ANLN: variants seen among roughly 807,000 people sequenced by gnomAD.
ANLN encodes anillin.
In ANLN, 59 loss-of-function variants were observed where a neutral mutation model predicts 135.1. That is an observed-to-expected ratio of 0.44 (90% CI 0.35 to 0.54). The LOEUF is 0.54. Among genes scored for constraint, ANLN ranks in the 20% least tolerant of loss-of-function variants. The pLI is 0.00. For synonymous variants in ANLN, 406 were observed against 456.4 expected (o/e 0.89, Z 1.41); for missense variants, 1,182 against 1,340.0 (o/e 0.88, Z 1.84).
At chr7:36,439,913 G>T in intron 21 of ANLN, among the ~76,000 whole-genome samples, 1 of 152,194 alleles carries the variant, frequency 6.6e-6, no homozygotes, top group East Asian at 1.9e-4. Flanking sequence ...CTTTATCCTA[G>T]AGTCAGCGAG....
chr7:36,425,791 C>T, intron 18 of ANLN, 51 bp downstream of exon 18: 1 of 1,549,966 alleles, frequency 6.5e-7, no homozygotes, highest in Non-Finnish European at 8.9e-7. Flanking sequence ...CTTCATCTTA[C>T]CCATACAGTT....
At chr7:36,414,015 G>C (rs1011297706) in intron 7 of ANLN, among the ~76,000 whole-genome samples, 3 of 151,904 alleles carry the variant, frequency 2.0e-5, no homozygotes, top group African/African-American at 7.3e-5. Flanking sequence ...AGGAAATAAA[G>C]TCAAGGGAAG....
intron 2 of ANLN, among the ~76,000 whole-genome samples, chr7:36,398,776 TCCC>T: frequency 6.7e-6 from 1 of 148,816 alleles, no homozygotes; most frequent in African/African-American, 2.5e-5. Flanking sequence ...CTTCCGCTCT[TCCC>T]CCCAAGTCCC....
chr7:36,395,598 A>G (rs1186294176), intron 1 of ANLN, among the ~76,000 whole-genome samples: 1 of 152,148 alleles, frequency 6.6e-6, no homozygotes, highest in Admixed American at 6.5e-5. Flanking sequence ...TCTTTGAGGG[A>G]CCATTATTTT....
At position 36,401,580 on chromosome 7, in the gene ANLN, C is replaced by A. The variant is rs187832957; in HGVS notation, c.487+2187C>A. On this transcript the variant is annotated intron_variant, in intron 3 of 23. Transcript: ENST00000265748. ...TCTTGAACTCCTGACCTCAGGTGAT[C>A]CGCCTGCCGCGGCCTCCCAAAGTGC... Among the ~76,000 whole-genome samples the A allele has an allele frequency of 6.0e-4, 84 of 139,084 alleles. 5 individuals are homozygous for A. The highest frequency in any genetic ancestry group is 2.1e-3 in the Admixed American group (30 of 14,246). 91.2% of individuals were successfully genotyped at this position (139,084 alleles called of 152,430 possible).
At chr7:36,435,241 A>G (rs1245160600) in intron 20 of ANLN, among the ~76,000 whole-genome samples, 2 of 151,884 alleles carry the variant, frequency 1.3e-5, no homozygotes, top group Admixed American at 6.6e-5. Flanking sequence ...CATTTCCATC[A>G]CTCCCATCTA....
intron 20 of ANLN, among the ~76,000 whole-genome samples, chr7:36,431,597 G>GTATATATA (rs1281791693): frequency 3.6e-5 from 1 of 27,440 alleles, no homozygotes; most frequent in African/African-American, 8.4e-5. Context: ...GTGTGTGTGT[G>GTATATATA]TATATATATA....
At chr7:36,421,590 C>T (rs1004339944) in intron 12 of ANLN, among the ~76,000 whole-genome samples, 2 of 151,948 alleles carry the variant, frequency 1.3e-5, no homozygotes, top group Non-Finnish European at 2.9e-5. Context: ...TTCTAAATTT[C>T]TACGTTGTTG....
intron 17 of ANLN, 109 bp from the exon 18 acceptor site, chr7:36,425,593 T>C (rs1788048556): frequency 8.4e-6 from 7 of 830,682 alleles, no homozygotes; most frequent in Non-Finnish European, 1.3e-5. Flanking sequence ...TGCTCCCGGC[T>C]AAGAATTAAT....
At chr7:36,449,282 A>G (rs1299753573) in intron 22 of ANLN, 2 of 154,864 alleles carry the variant, frequency 1.3e-5, no homozygotes, top group Non-Finnish European at 2.9e-5. Context: ...TCCAATGTCT[A>G]GGTTTCCTTT....
intron 3 of ANLN, among the ~76,000 whole-genome samples, chr7:36,404,905 A>C (rs1409856102): frequency 6.6e-6 from 1 of 152,210 alleles, no homozygotes; most frequent in African/African-American, 2.4e-5. Context: ...AACGGTGTGC[A>C]GTTTAAAACC....
intron 22 of ANLN, among the ~76,000 whole-genome samples, chr7:36,445,161 C>CTTTTTTTTTTTT (rs70977145): frequency 3.5e-5 from 2 of 57,822 alleles, no homozygotes; most frequent in South Asian, 8.2e-4. Context: ...ATTTGGGATT[C>CTTTTTTTTTTTT]TTTTTTTTTT....
At chr7:36,404,924 ATTGT>A (rs199499668) in intron 3 of ANLN, among the ~76,000 whole-genome samples, 3,001 of 152,290 alleles carry the variant, frequency 0.02, 47 homozygotes, top group Middle Eastern at 0.051. Flanking sequence ...CCATATATGA[ATTGT>A]TTATTTCTGG....
At chr7:36,431,597 G>GTATATA (rs1281791693) in intron 20 of ANLN, among the ~76,000 whole-genome samples, 12 of 27,442 alleles carry the variant, frequency 4.4e-4, no homozygotes, top group African/African-American at 1.0e-3. Flanking sequence ...GTGTGTGTGT[G>GTATATA]TATATATATA....
chr7:36,440,385 A>G (rs1400773645), intron 21 of ANLN, among the ~76,000 whole-genome samples: 1 of 152,172 alleles, frequency 6.6e-6, no homozygotes, highest in East Asian at 1.9e-4. Flanking sequence ...TGGACTTATT[A>G]TTGGGTGATC....
At chr7:36,445,072 C>T (rs763994489) in intron 22 of ANLN, among the ~76,000 whole-genome samples, 2 of 151,372 alleles carry the variant, frequency 1.3e-5, no homozygotes, top group Non-Finnish European at 2.9e-5. Context: ...GTTTATTGTT[C>T]CCATGCACTT....
Position 36,399,380 on chromosome 7 carries a change from T to C in ANLN, c.474T>C (p.Asn158=). The C allele has an allele frequency of 2.5e-6, 4 of 1,609,490 alleles. No individual in the cohort carries two copies. The highest frequency in any genetic ancestry group is 3.4e-6 in the Non-Finnish European group (4 of 1,177,604). Residue 158 remains asparagine (N), a synonymous_variant, in exon 3 of 24, where the codon AAT becomes AAC. Transcript: ENST00000265748. ...CAGAGCAACGGCGCCGTTGGGATAA[T>C]GATGATATGACAGGTATGAATTGTA... is the stretch of plus-strand genomic sequence containing the variant. ...KLAEQRRRWD[N]DDMTDDIPES...
At chr7:36,396,864 C>A (rs1786722760) in intron 2 of ANLN, among the ~76,000 whole-genome samples, 1 of 152,146 alleles carries the variant, frequency 6.6e-6, no homozygotes. Flanking sequence ...TTTTCACTCT[C>A]TATTTGCTGA....
At chr7:36,403,998 T>A (rs1160315192) in intron 3 of ANLN, among the ~76,000 whole-genome samples, 1 of 150,430 alleles carries the variant, frequency 6.6e-6, no homozygotes, top group Non-Finnish European at 1.5e-5. Context: ...TGAGAGGGAG[T>A]CTTGCTCTGT....
Sources: gnomAD v4.1 joint callset for allele counts (sites outside exome capture counted in the v4.1 genomes callset) on GRCh38, gnomAD v4.1.1 for gene constraint, MANE v1.5 for transcripts, NCBI Gene and HGNC (gene_info 2026-07-23, HGNC 2026-07-21) for gene names.